The following RYR2 variants were observed in gnomAD, a reference collection of about 807,000 sequenced individuals.
RYR2 encodes the protein ryanodine receptor 2, also known as cardiac muscle ryanodine receptor-calcium release channel.
Under a neutral mutation model 601.1 loss-of-function variants are expected in RYR2, and 227 were observed. That is an observed-to-expected ratio of 0.38 (90% CI 0.34 to 0.42). RYR2 has a LOEUF of 0.42. Ranked by LOEUF, RYR2 falls within the 10% of genes least tolerant of loss-of-function variation. The probability of loss-of-function intolerance (pLI) is 1.00; values close to 1 mark genes in which losing one functional copy is unlikely to be tolerated. For missense variants in RYR2, 4,646 were observed against 6,156.5 expected, an observed-to-expected ratio of 0.75 and a Z score of 8.21; for synonymous variants, 2,223 against 2,175.1, an observed-to-expected ratio of 1.02 and a Z score of -0.61.
chr1:237,741,687 C>T lies in RYR2; in HGVS notation c.11092-609C>T, dbSNP rs947071034. Reference sequence around the variant, plus strand: ...CACAATCTTGGCTCACTGCAGCCTCCGCCTCCTGGGTTCAAGCAATTCTCC... The same window carrying T: ...CACAATCTTGGCTCACTGCAGCCTCTGCCTCCTGGGTTCAAGCAATTCTCC... On this transcript the variant is annotated intron_variant, in intron 79 of 104. Transcript: ENST00000366574. Among the ~76,000 whole-genome samples the T allele has an allele frequency of 5.9e-5, 9 of 152,202 alleles. No homozygotes were observed. The South Asian group carries it at 6.2e-4, about 11-fold the overall frequency.
intron 94 of RYR2, among the ~76,000 whole-genome samples, 168 bp downstream of exon 94, chr1:237,792,491 G>A (rs1394327540): frequency 1.3e-5 from 2 of 151,574 alleles, no homozygotes; most frequent in Non-Finnish European, 2.9e-5. Context: ...GTTTCTGAGG[G>A]AATGCTCCAT....
intron 9 of RYR2, among the ~76,000 whole-genome samples, chr1:237,387,815 C>CATTTG (rs902272107): frequency 2.5e-4 from 38 of 152,198 alleles, no homozygotes; most frequent in African/African-American, 8.2e-4. Context: ...CATAGGTTCA[C>CATTTG]ATTTGATTCT....
chr1:237,051,397 A>T (rs534919545), intron 1 of RYR2, among the ~76,000 whole-genome samples: 5 of 143,330 alleles, frequency 3.5e-5, no homozygotes, highest in African/African-American at 1.3e-4. Context: ...TACTTTTGAG[A>T]GATGCTATTT....
At chr1:237,419,050 T>C (rs1705290113) in intron 11 of RYR2, among the ~76,000 whole-genome samples, 2 of 152,162 alleles carry the variant, frequency 1.3e-5, no homozygotes, top group South Asian at 4.1e-4. Context: ...CATATTTTTT[T>C]ACATTGTGTA....
chr1:237,366,037 T>G (rs2149735930), intron 5 of RYR2, among the ~76,000 whole-genome samples: 2 of 152,358 alleles, frequency 1.3e-5, no homozygotes, highest in South Asian at 4.1e-4. Flanking sequence ...ATTACAGTAA[T>G]TTAAGTCACG....
At chr1:237,571,314 TC>T (rs151043031) in intron 29 of RYR2, among the ~76,000 whole-genome samples, 1 of 90,436 alleles carries the variant, frequency 1.1e-5, no homozygotes, top group Middle Eastern at 6.8e-3. Flanking sequence ...TCTTTTCTTT[TC>T]TTTTTTTTTT....
chr1:237,690,853 C>T (rs752925359), intron 63 of RYR2, among the ~76,000 whole-genome samples: 1 of 152,100 alleles, frequency 6.6e-6, no homozygotes, highest in Non-Finnish European at 1.5e-5. Flanking sequence ...ACAGTAAAGC[C>T]TTTATAATAC....
chr1:237,190,210 G>A (rs1301039504), intron 1 of RYR2, among the ~76,000 whole-genome samples: 1 of 152,056 alleles, frequency 6.6e-6, no homozygotes, highest in African/African-American at 2.4e-5. Flanking sequence ...TATAATGGCT[G>A]CACCATTTTA....
intron 73 of RYR2, among the ~76,000 whole-genome samples, chr1:237,721,841 A>G (rs527487139): frequency 9.2e-5 from 14 of 152,208 alleles, no homozygotes; most frequent in African/African-American, 2.6e-4. Flanking sequence ...TTTTAATAAC[A>G]TACTTATTCT....
At chr1:237,786,171 C>T (rs1383092018) in intron 91 of RYR2, 135 bp downstream of exon 91, 42 of 635,416 alleles carry the variant, frequency 6.6e-5, no homozygotes, top group South Asian at 4.6e-4. Context: ...GTGCCATCTC[C>T]GTGGAGAGGC....
intron 35 of RYR2, among the ~76,000 whole-genome samples, chr1:237,604,042 G>A (rs1160003661): frequency 6.6e-6 from 1 of 152,106 alleles, no homozygotes; most frequent in Non-Finnish European, 1.5e-5. Context: ...GGATATCTAG[G>A]AATTGAACTC....
At chr1:237,070,694 T>C (rs1201051899) in intron 1 of RYR2, among the ~76,000 whole-genome samples, 2 of 152,002 alleles carry the variant, frequency 1.3e-5, no homozygotes, top group Non-Finnish European at 2.9e-5. Context: ...AGCAAGTGAG[T>C]GTGGGGTCCA....
intron 35 of RYR2, among the ~76,000 whole-genome samples, chr1:237,602,507 A>G (rs1297071460): frequency 6.6e-6 from 1 of 152,236 alleles, no homozygotes; most frequent in Non-Finnish European, 1.5e-5. Flanking sequence ...GGGTTGGATC[A>G]GCTAAAGCTC....
At chr1:237,205,702 GC>G in intron 1 of RYR2, among the ~76,000 whole-genome samples, 1 of 152,322 alleles carries the variant, frequency 6.6e-6, no homozygotes, top group East Asian at 1.9e-4. Flanking sequence ...AAAAGTGAGA[GC>G]CCAAATCCAA....
intron 51 of RYR2, among the ~76,000 whole-genome samples, chr1:237,653,404 TAAC>T (rs1682948285): frequency 6.6e-6 from 1 of 152,176 alleles, no homozygotes; most frequent in African/African-American, 2.4e-5. Flanking sequence ...AAGATATTAA[TAAC>T]AATTCATTAA....
At chr1:237,370,816 A>G (rs572961674) in intron 6 of RYR2, among the ~76,000 whole-genome samples, 1 of 152,092 alleles carries the variant, frequency 6.6e-6, no homozygotes, top group South Asian at 2.1e-4. Context: ...GCCCGCCACC[A>G]CACCCAGCTA....
intron 1 of RYR2, among the ~76,000 whole-genome samples, chr1:237,089,097 T>C (rs954202886): frequency 2.0e-5 from 3 of 152,182 alleles, no homozygotes; most frequent in African/African-American, 7.2e-5. Context: ...ACCTGCTGAG[T>C]CTCACCTTTT....
At chr1:237,086,035 G>A (rs80217462) in intron 1 of RYR2, among the ~76,000 whole-genome samples, 2 of 152,234 alleles carry the variant, frequency 1.3e-5, no homozygotes, top group Non-Finnish European at 2.9e-5. Flanking sequence ...GATTATAGGC[G>A]TGAGCCACTG....
intron 84 of RYR2, among the ~76,000 whole-genome samples, chr1:237,765,118 A>T (rs1693748308): frequency 6.6e-6 from 1 of 151,542 alleles, no homozygotes; most frequent in East Asian, 1.9e-4. Context: ...TATATTTTAT[A>T]TTTATATGTG....
Sources: allele counts gnomAD v4.1 joint callset (sites outside exome capture counted in the v4.1 genomes callset), GRCh38; gene constraint gnomAD v4.1.1; transcripts MANE v1.5; gene names NCBI Gene and HGNC (gene_info 2026-07-23, HGNC 2026-07-21).